Variants in SFXN5 observed in about 807,000 individuals in gnomAD.
SFXN5 encodes the protein sideroflexin-5.
SFXN5 carries 43 observed loss-of-function variants against 50.2 expected under a neutral mutation model. That is an observed-to-expected ratio of 0.86 (90% CI 0.67 to 1.11). The LOEUF (loss-of-function observed/expected upper bound fraction) is 1.11. SFXN5 is among the 50% of genes least tolerant of loss of function. The probability of loss-of-function intolerance (pLI) is 0.00; values close to 1 mark genes in which losing one functional copy is unlikely to be tolerated. For synonymous variants in SFXN5, 203 were observed against 185.8 expected (o/e 1.09, Z -0.75); for missense variants, 463 against 454.1 (o/e 1.02, Z -0.18).
chr2:73,068,601 C>G (rs928352305), intron 1 of SFXN5, among the ~76,000 whole-genome samples: 2 of 152,092 alleles, frequency 1.3e-5, no homozygotes, highest in Non-Finnish European at 2.9e-5. Context: ...CCGCAAAGCC[C>G]TACTGAATTG....
At chr2:73,021,095 G>C (rs563718933) in intron 5 of SFXN5, among the ~76,000 whole-genome samples, 6 of 152,300 alleles carry the variant, frequency 3.9e-5, no homozygotes, top group Non-Finnish European at 8.8e-5. Flanking sequence ...AGTTTGATCA[G>C]GGCCTCAGAG....
At chr2:73,067,542 G>C (rs1683265887) in intron 1 of SFXN5, among the ~76,000 whole-genome samples, 3 of 152,174 alleles carry the variant, frequency 2.0e-5, no homozygotes, top group South Asian at 4.1e-4. Context: ...GTTGTCTTTT[G>C]ACTTCTCTAA....
chr2:72,999,866 AG>A (rs1252319829), intron 8 of SFXN5, among the ~76,000 whole-genome samples: 1 of 152,178 alleles, frequency 6.6e-6, no homozygotes, highest in Non-Finnish European at 1.5e-5. Context: ...CCAGCAAAGC[AG>A]GGGCCCAGCA....
intron 2 of SFXN5, among the ~76,000 whole-genome samples, chr2:73,050,570 G>A (rs1681165220): frequency 6.6e-6 from 1 of 152,132 alleles, no homozygotes; most frequent in Non-Finnish European, 1.5e-5. Context: ...GAGACAAGGG[G>A]CAGTGAGCCC....
rs570591937 is a variant in SFXN5, at chr2:72,986,044, G to A, written c.625+2214C>T. ...TGCAGCAGAGCGCTGCCCCTTCTCA[G>A]GCTGCATCTGACCCTGCAGCTGAAT... On this transcript the variant is annotated intron_variant, in intron 10 of 13. Transcript: ENST00000272433. Among the ~76,000 whole-genome samples, 4 of 152,328 alleles carry A rather than the reference G, an allele frequency of 2.6e-5. No homozygotes were observed. In the South Asian group the frequency reaches 6.2e-4, roughly 24 times the overall value.
intron 9 of SFXN5, among the ~76,000 whole-genome samples, chr2:72,995,287 C>G (rs544155091): frequency 6.6e-6 from 1 of 152,358 alleles, no homozygotes; most frequent in Non-Finnish European, 1.5e-5. Flanking sequence ...TGTTAAAAGA[C>G]AGCAAACTGT....
At chr2:73,047,235 AAAAAAAAAAAATATATATATAT>A (rs1434689969) in intron 2 of SFXN5, among the ~76,000 whole-genome samples, 1 of 28,192 alleles carries the variant, frequency 3.5e-5, no homozygotes, top group African/African-American at 8.6e-5. Flanking sequence ...AAAAAAAAAA[AAAAAAAAAAAATATATATATAT>A]ATATATATAT....
chr2:73,016,272 C>T (rs968152257), intron 6 of SFXN5, among the ~76,000 whole-genome samples: 3 of 152,114 alleles, frequency 2.0e-5, no homozygotes, highest in African/African-American at 7.2e-5. Flanking sequence ...TTCATGATGG[C>T]AAAGTATTAC....
intron 10 of SFXN5, among the ~76,000 whole-genome samples, chr2:72,983,220 G>A (rs1310224744): frequency 6.6e-6 from 1 of 152,188 alleles, no homozygotes; most frequent in Non-Finnish European, 1.5e-5. Context: ...GGGAGAAGGG[G>A]GCATGGACGT....
chr2:73,037,230 C>T (rs1679102304), intron 3 of SFXN5, among the ~76,000 whole-genome samples: 1 of 152,204 alleles, frequency 6.6e-6, no homozygotes, highest in Non-Finnish European at 1.5e-5. Flanking sequence ...CTTCCAGATG[C>T]CCTCAGTCTG....
intron 1 of SFXN5, 27 bp downstream of exon 1, chr2:73,071,577 G>T: frequency 1.2e-6 from 2 of 1,604,202 alleles, no homozygotes; most frequent in South Asian, 1.1e-5. Context: ...CCACCCGCCG[G>T]CCCGCAGACC....
intron 6 of SFXN5, among the ~76,000 whole-genome samples, chr2:73,002,487 T>C (rs1212561501): frequency 6.6e-6 from 1 of 152,224 alleles, no homozygotes; most frequent in Non-Finnish European, 1.5e-5. Context: ...CCACTGCATA[T>C]GGGAAAAATG....
At chr2:73,041,022 G>A (rs1460827893) in intron 2 of SFXN5, 91 bp from the exon 3 acceptor site, 2 of 985,718 alleles carry the variant, frequency 2.0e-6, no homozygotes, top group African/African-American at 3.2e-5. Flanking sequence ...ATCAAATACT[G>A]CCAGTGCAAG....
chr2:72,980,841 G>A (rs1241976138), intron 10 of SFXN5, among the ~76,000 whole-genome samples: 1 of 151,878 alleles, frequency 6.6e-6, no homozygotes, highest in Non-Finnish European at 1.5e-5. Context: ...GCCCAGCCAG[G>A]CCCCCTGCCC....
chr2:73,058,864 C>A, intron 1 of SFXN5: 1 of 481,252 alleles, frequency 2.1e-6, no homozygotes, highest in Non-Finnish European at 3.7e-6. Flanking sequence ...CCTCTCTCTC[C>A]CAGTGCCCTG....
At chr2:73,009,695 T>C (rs1267586611) in intron 6 of SFXN5, among the ~76,000 whole-genome samples, 2 of 152,352 alleles carry the variant, frequency 1.3e-5, no homozygotes, top group African/African-American at 4.8e-5. Flanking sequence ...GGATGCTTGC[T>C]CCAGGCTGGG....
chr2:73,063,562 G>C (rs565047530), intron 1 of SFXN5, among the ~76,000 whole-genome samples: 2 of 152,158 alleles, frequency 1.3e-5, no homozygotes, highest in Non-Finnish European at 2.9e-5. Context: ...AATGAGAAAC[G>C]TTGTGACCAG....
At chr2:72,991,730 G>C (rs1336282126) in intron 9 of SFXN5, among the ~76,000 whole-genome samples, 1 of 152,216 alleles carries the variant, frequency 6.6e-6, no homozygotes, top group Admixed American at 6.5e-5. Flanking sequence ...AAGCCAAGAG[G>C]CTGGTGGCTC....
chr2:72,955,554 T>C (rs1486822253), intron 13 of SFXN5, among the ~76,000 whole-genome samples: 1 of 152,114 alleles, frequency 6.6e-6, no homozygotes, highest in Non-Finnish European at 1.5e-5. Context: ...GGCAGGGATG[T>C]GGGGAGGGGC....
Sources: gnomAD v4.1 joint callset for allele counts (sites outside exome capture counted in the v4.1 genomes callset) on GRCh38, gnomAD v4.1.1 for gene constraint, MANE v1.5 for transcripts, NCBI Gene and HGNC (gene_info 2026-07-23, HGNC 2026-07-21) for gene names.